Variants in UPF2 observed in about 807,000 individuals in gnomAD.
UPF2 encodes regulator of nonsense transcripts 2.
A neutral mutation model predicts 141.4 loss-of-function variants in UPF2; 17 were observed. The observed-to-expected ratio is 0.12, with a 90% CI of 0.08 to 0.18. The LOEUF (loss-of-function observed/expected upper bound fraction) is 0.18, where lower values mean the gene tolerates loss of function less well. Among genes scored for constraint, UPF2 ranks in the 10% least tolerant of loss-of-function variants. The pLI is 1.00. For missense variants in UPF2, 1,152 were observed against 1,515.9 expected, an observed-to-expected ratio of 0.76 and a Z score of 3.99; for synonymous variants, 540 against 498.0, an observed-to-expected ratio of 1.08 and a Z score of -1.12.
chr10:11,955,971 G>A (rs1000036979), intron 13 of UPF2, among the ~76,000 whole-genome samples: 3 of 151,870 alleles, frequency 2.0e-5, no homozygotes, highest in South Asian at 2.1e-4. Flanking sequence ...GCAAAACCCC[G>A]TCTCTACTAA....
rs757525197 is a variant in UPF2, at chr10:11,997,633, A to C, written c.1844+39T>G. On this transcript the variant is annotated intron_variant, in intron 8 of 21. Transcript: ENST00000357604. ...TTTGATCTTACAGCCAGCACTACAG[A>C]GTAAAAACACTAATAAATTTCTCTT... 15 of 1,581,094 alleles carry C rather than the reference A, an allele frequency of 9.5e-6. 1 individual carries two copies. The Admixed American group carries it at 2.5e-4, about 27-fold the overall frequency.
At chr10:12,026,729 C>G in intron 3 of UPF2, 1 of 437,774 alleles carries the variant, frequency 2.3e-6, no homozygotes, top group Non-Finnish European at 4.5e-6. Flanking sequence ...CGGCTCACTG[C>G]AACCTCCACC....
chr10:12,017,268 T>C (rs1020987528), intron 3 of UPF2, among the ~76,000 whole-genome samples: 2 of 152,194 alleles, frequency 1.3e-5, no homozygotes, highest in Non-Finnish European at 1.5e-5. Context: ...CAGAATAACA[T>C]AACCCAAAAC....
In UPF2 at chr10:11,978,611, C is replaced by A. The variant is rs533550537; in HGVS notation, c.1953+446G>T. ...TAAGGCAAAATCAAAGAAACACAGG[C>A]TATGGCAGCACTTGCTAGTATCAGA... On this transcript the variant is annotated intron_variant, in intron 9 of 21. Transcript: ENST00000357604. Among the ~76,000 whole-genome samples the A allele has an allele frequency of 5.3e-5, 8 of 152,290 alleles. No homozygotes were observed. The South Asian group carries it at 1.2e-3, about 24-fold the overall frequency.
At chr10:12,020,663 C>T (rs1261715453) in intron 3 of UPF2, among the ~76,000 whole-genome samples, 2 of 152,312 alleles carry the variant, frequency 1.3e-5, no homozygotes, top group East Asian at 3.9e-4. Context: ...ATGTGCCAGA[C>T]ACTGTTATTA....
chr10:11,935,130 T>G lies in UPF2; in HGVS notation c.3546+1415A>C, dbSNP rs1436087602. 6.6e-6 allele frequency among the ~76,000 whole-genome samples: 1 copy of G among 152,046 alleles called. No individual in the cohort carries two copies. Among genetic ancestry groups the G allele is most frequent in the African/African-American group, 2.4e-5 (1 of 41,376 alleles). ...ATCTCAGATGCAACTTATTGTAGGG[T>G]CTTCCCTGATCATCCTACCTAAGAG... On this transcript the variant is annotated intron_variant, in intron 19 of 21. Coordinates refer to ENST00000357604, the MANE Select transcript of UPF2 (RefSeq NM_015542.4). This position sits in a 1 kb window ranked among gnomAD's most constrained non-coding sequence, Gnocchi z 4.9.
rs779004161 is a variant in UPF2, at chr10:11,967,491, C to T, written c.1954-37G>A. The T allele has an allele frequency of 5.4e-6, 6 of 1,121,446 alleles. No homozygotes were observed. In the Admixed American group the frequency reaches 1.1e-4, roughly 21 times the overall value. The allele number at this position is 1,121,446 out of a possible 1,614,324, so 69.5% of individuals were successfully genotyped here. A position where few individuals can be genotyped will look rare whatever the true frequency, so the allele number is the denominator to read the frequency against. On this transcript the variant is annotated intron_variant, in intron 9 of 21. Transcript: ENST00000357604. ...GAGAGAAAAGATAATGCTTAATCAA[C>T]ATTTTGAATCTCTGTGATAAAAACT...
intron 3 of UPF2, among the ~76,000 whole-genome samples, chr10:12,015,952 C>A (rs1372576622): frequency 2.6e-5 from 4 of 152,058 alleles, no homozygotes; most frequent in African/African-American, 2.4e-5. Flanking sequence ...ATAAGCCAGG[C>A]TAAAAAGTGC....
chr10:12,023,016 G>A (rs1163734875), intron 3 of UPF2, among the ~76,000 whole-genome samples: 1 of 151,736 alleles, frequency 6.6e-6, no homozygotes, highest in Non-Finnish European at 1.5e-5. Context: ...CCACCAATTA[G>A]GGAGAAAAAA....
At chr10:11,997,828 TATG>T (rs2131261100) in intron 7 of UPF2, 71 bp from the exon 8 acceptor site, 2 of 1,365,054 alleles carry the variant, frequency 1.5e-6, no homozygotes, top group East Asian at 2.3e-5. Context: ...TCCTGCCTAC[TATG>T]ATATTTTTAT....
In UPF2 at chr10:11,964,021, G is replaced by A; in HGVS notation, c.2172C>T (p.Thr724=). 6.2e-7 allele frequency: 1 copy of A among 1,612,906 alleles called. No individual in the cohort carries two copies. Among genetic ancestry groups the A allele is most frequent in the Non-Finnish European group, 8.5e-7 (1 of 1,179,208 alleles). ...CTCAAGCCCTTACCAAAAGTACACT[G>A]GTCCTCAGGTGAGATTCTGGAGATC... is the stretch of plus-strand genomic sequence containing the variant. ...LFRSPESHLR[T]SVLLEQMMRK... is the part of the protein sequence containing the mutation. The change falls in exon 11 of 22, where the codon ACC becomes ACT. Residue 724 remains threonine, a synonymous_variant. Transcript: ENST00000357604.
chr10:11,920,214 G>T lies in UPF2; in HGVS notation c.*1084C>A, dbSNP rs1017717808. 3.9e-5 allele frequency: 6 copies of T among 152,080 alleles called. No individual in the cohort carries two copies. Among genetic ancestry groups the T allele is most frequent in the African/African-American group, 1.2e-4 (5 of 41,418 alleles). The allele number at this position is 152,080 out of a possible 1,614,324, so 9.4% of individuals were successfully genotyped here. A position where few individuals can be genotyped will look rare whatever the true frequency, so the allele number is the denominator to read the frequency against. ...GAAAAAAAGATGTAATCAAGTTGTC[G>T]CATACAGATGTGCTCTCCGACTAAA... On this transcript the variant is annotated 3_prime_UTR_variant, in exon 22 of 22. Transcript: ENST00000357604.
At chr10:11,963,256 A>G (rs2102319) in intron 11 of UPF2, among the ~76,000 whole-genome samples, 9,124 of 152,310 alleles carry the variant, frequency 0.06, 370 homozygotes, top group Non-Finnish European at 0.092. Flanking sequence ...CACCCATTAC[A>G]GGTGAACCAC....
At chr10:11,975,360 T>G (rs1294198949) in intron 9 of UPF2, among the ~76,000 whole-genome samples, 1 of 152,234 alleles carries the variant, frequency 6.6e-6, no homozygotes, top group South Asian at 2.1e-4. Context: ...GAATTCCTCA[T>G]GTTCCCACCA....
chr10:11,971,193 T>C (rs1195389956), intron 9 of UPF2, among the ~76,000 whole-genome samples: 1 of 152,014 alleles, frequency 6.6e-6, no homozygotes, highest in Non-Finnish European at 1.5e-5. Flanking sequence ...TTTTAAAAGG[T>C]TGTAACTTAT....
intron 4 of UPF2, among the ~76,000 whole-genome samples, chr10:12,013,430 C>T (rs1252091579): frequency 6.6e-6 from 1 of 151,864 alleles, no homozygotes; most frequent in East Asian, 2.0e-4. Flanking sequence ...GCACGTGCCA[C>T]CACACCCAGC....
intron 5 of UPF2, 25 bp from the exon 6 acceptor site, chr10:12,001,850 C>T (rs1389653381): frequency 6.4e-7 from 1 of 1,551,402 alleles, no homozygotes; most frequent in Admixed American, 2.1e-5. Context: ...ACAAGTATAC[C>T]TAAATTCAAA....
intron 8 of UPF2, among the ~76,000 whole-genome samples, chr10:11,994,481 G>A (rs1833833075): frequency 6.6e-6 from 1 of 152,192 alleles, no homozygotes; most frequent in African/African-American, 2.4e-5. Flanking sequence ...GAAAGGAGTG[G>A]AAATTGGGTA....
At chr10:11,950,789 T>C (rs1588533360) in intron 15 of UPF2, among the ~76,000 whole-genome samples, 1 of 152,178 alleles carries the variant, frequency 6.6e-6, no homozygotes, top group African/African-American at 2.4e-5. Context: ...GAAAAGAAAG[T>C]AGGTAACTTG....
Sources: allele counts gnomAD v4.1 joint callset (sites outside exome capture counted in the v4.1 genomes callset), GRCh38; gene constraint gnomAD v4.1.1; non-coding constraint Gnocchi (gnomAD v3.1); transcripts MANE v1.5; gene names NCBI Gene and HGNC (gene_info 2026-07-23, HGNC 2026-07-21).